TRPS1: variants seen among roughly 807,000 people sequenced by gnomAD.
TRPS1 encodes the protein zinc finger transcription factor Trps1.
In TRPS1, 6 loss-of-function variants were observed where a neutral mutation model predicts 101.2. The ratio of observed to expected loss-of-function variants is 0.06; its 90% CI spans 0.03 to 0.12. The LOEUF is 0.12. Among genes scored for constraint, TRPS1 ranks in the 10% least tolerant of loss-of-function variants. The pLI is 1.00. For missense variants in TRPS1, 1,363 were observed against 1,567.0 expected (o/e 0.87, Z 2.20); for synonymous variants, 578 against 589.8 (o/e 0.98, Z 0.29).
intron 5 of TRPS1, among the ~76,000 whole-genome samples, chr8:115,434,059 A>T (rs1032724113): frequency 5.6e-4 from 2 of 3,602 alleles, no homozygotes; most frequent in Non-Finnish European, 1.0e-3. Flanking sequence ...TTAATAAGTG[A>T]ATATGCAAAA....
At chr8:115,656,266 G>A (rs748429110) in intron 1 of TRPS1, among the ~76,000 whole-genome samples, 6 of 152,016 alleles carry the variant, frequency 3.9e-5, no homozygotes, top group South Asian at 2.1e-4. Context: ...TAAGAATGCC[G>A]ATCGTCTCAT....
intron 5 of TRPS1, among the ~76,000 whole-genome samples, chr8:115,541,953 T>C (rs1408125400): frequency 1.3e-5 from 2 of 152,170 alleles, no homozygotes; most frequent in African/African-American, 2.4e-5. Context: ...CACAGAGCCC[T>C]GCAATAGTCA....
chr8:115,421,477 T>C (rs1813053173), intron 5 of TRPS1, among the ~76,000 whole-genome samples: 1 of 152,226 alleles, frequency 6.6e-6, no homozygotes, highest in Non-Finnish European at 1.5e-5. Context: ...TTGGATATTG[T>C]TCAATGTGTT....
chr8:115,470,948 T>G (rs754830565), intron 5 of TRPS1, among the ~76,000 whole-genome samples: 1 of 152,240 alleles, frequency 6.6e-6, no homozygotes, highest in Non-Finnish European at 1.5e-5. Context: ...AGTCTTTAAC[T>G]GTGGGTAGCA....
intron 5 of TRPS1, among the ~76,000 whole-genome samples, chr8:115,483,556 A>G (rs1814807512): frequency 2.0e-5 from 3 of 150,256 alleles, no homozygotes; most frequent in Admixed American, 6.7e-5. Context: ...AAAAAAATTA[A>G]TTGTAAGTAT....
intron 5 of TRPS1, among the ~76,000 whole-genome samples, chr8:115,483,956 A>C (rs995718804): frequency 6.6e-6 from 1 of 152,200 alleles, no homozygotes; most frequent in Non-Finnish European, 1.5e-5. Context: ...CCAGCTCCAA[A>C]AATGCTTTCA....
Position 115,479,086 on chromosome 8 carries a change from C to T in TRPS1, c.2701-60634G>A, listed in dbSNP as rs568193312. On this transcript the variant is annotated intron_variant, in intron 5 of 6. Coordinates refer to ENST00000395715, the MANE Select transcript of TRPS1 (RefSeq NM_014112.5). The stretch of plus-strand genomic sequence containing the variant: ...TTGGGGGGAAAAATAATAAATCAGG[C>T]ATAATTTCCTGGCATGCCTTTATGT... 4.0e-5 allele frequency among the ~76,000 whole-genome samples: 6 copies of T among 151,848 alleles called. No individual in the cohort carries two copies. In the South Asian group the frequency reaches 6.2e-4, roughly 16 times the overall value.
intron 5 of TRPS1, among the ~76,000 whole-genome samples, chr8:115,563,216 C>T (rs924016863): frequency 6.6e-6 from 1 of 152,096 alleles, no homozygotes; most frequent in Non-Finnish European, 1.5e-5. Context: ...GTAAGGCTTT[C>T]GGAAGTGGCG....
chr8:115,649,878 A>G (rs2130607221), intron 1 of TRPS1, among the ~76,000 whole-genome samples: 1 of 152,322 alleles, frequency 6.6e-6, no homozygotes, highest in South Asian at 2.1e-4. Context: ...CCCAGCACAC[A>G]TGCTGTACAG....
intron 5 of TRPS1, among the ~76,000 whole-genome samples, chr8:115,445,853 T>C (rs1168276727): frequency 1.3e-5 from 2 of 152,146 alleles, no homozygotes; most frequent in African/African-American, 4.8e-5. Context: ...TAAATATCAA[T>C]GCATAAGGGT....
chr8:115,545,933 C>A (rs570849516), intron 5 of TRPS1, among the ~76,000 whole-genome samples: 1 of 152,164 alleles, frequency 6.6e-6, no homozygotes, highest in Non-Finnish European at 1.5e-5. Flanking sequence ...TAAGATATCA[C>A]AGAGTACAAT....
intron 1 of TRPS1, among the ~76,000 whole-genome samples, chr8:115,636,857 A>G (rs1263313278): frequency 2.0e-5 from 3 of 152,070 alleles, no homozygotes; most frequent in Non-Finnish European, 2.9e-5. Flanking sequence ...GGTTACAGTG[A>G]GCCGAGACAG....
At position 115,414,314 on chromosome 8, in the gene TRPS1, C is replaced by T. The variant is rs185725906; in HGVS notation, c.3594G>A (p.Thr1198=). The change falls in exon 7 of 7, where the codon ACG becomes ACA. Residue 1198 remains threonine, a synonymous_variant. Transcript: ENST00000395715. The surrounding 1 kb of genome is among the most constrained non-coding windows in gnomAD (Gnocchi z 4.8). ...PTANGASKEK[T]KAPPNVKNEG... is the part of the protein sequence containing the mutation. ...CATTTTTTACATTTGGTGGTGCCTT[C>T]GTTTTCTCCTTGGAGGCACCGTTTG... is the stretch of plus-strand genomic sequence containing the variant. 41 of 1,613,926 alleles carry T rather than the reference C, an allele frequency of 2.5e-5. No individual in the cohort carries two copies. The Admixed American group carries it at 3.2e-4, about 12-fold the overall frequency.
intron 5 of TRPS1, among the ~76,000 whole-genome samples, chr8:115,474,690 GA>G (rs11286734): frequency 0.095 from 14,419 of 151,896 alleles, 2,205 homozygotes; most frequent in African/African-American, 0.33. Flanking sequence ...AAAATATTCA[GA>G]AAAAAATTAT....
At chr8:115,591,898 T>A (rs1326168034) in intron 4 of TRPS1, among the ~76,000 whole-genome samples, 1 of 152,122 alleles carries the variant, frequency 6.6e-6, no homozygotes, top group East Asian at 1.9e-4. Context: ...TACGGCCCAT[T>A]TCACAGATAG....
chr8:115,529,211 G>T (rs1279460102), intron 5 of TRPS1, among the ~76,000 whole-genome samples: 1 of 151,908 alleles, frequency 6.6e-6, no homozygotes, highest in Non-Finnish European at 1.5e-5. Flanking sequence ...GATTTTTTTT[G>T]CAGGAGAGGT....
At chr8:115,436,493 A>T (rs1339138200) in intron 5 of TRPS1, among the ~76,000 whole-genome samples, 1 of 152,158 alleles carries the variant, frequency 6.6e-6, no homozygotes, top group Non-Finnish European at 1.5e-5. Flanking sequence ...AGGTGAATAG[A>T]ATTCCCACAC....
At chr8:115,615,869 A>G (rs1156592653) in intron 3 of TRPS1, among the ~76,000 whole-genome samples, 1 of 152,258 alleles carries the variant, frequency 6.6e-6, no homozygotes, top group Non-Finnish European at 1.5e-5. Context: ...CCGAATACAG[A>G]TAGTAAATAT....
At chr8:115,494,572 A>G (rs1287608860) in intron 5 of TRPS1, among the ~76,000 whole-genome samples, 1 of 152,216 alleles carries the variant, frequency 6.6e-6, no homozygotes, top group Non-Finnish European at 1.5e-5. Context: ...TTCTTCAGTC[A>G]TTATTATTTG....
Sources: allele counts gnomAD v4.1 joint callset (sites outside exome capture counted in the v4.1 genomes callset), GRCh38; gene constraint gnomAD v4.1.1; non-coding constraint Gnocchi (gnomAD v3.1); transcripts MANE v1.5; gene names NCBI Gene and HGNC (gene_info 2026-07-23, HGNC 2026-07-21).